WDR4: variants seen among roughly 807,000 people sequenced by gnomAD.
WDR4 encodes the protein tRNA (guanine-N(7)-)-methyltransferase non-catalytic subunit WDR4.
Under a neutral mutation model 48.6 loss-of-function variants are expected in WDR4, and 47 were observed. The ratio of observed to expected loss-of-function variants is 0.97; its 90% CI spans 0.77 to 1.23. The LOEUF is 1.23. Among genes scored for constraint, WDR4 ranks in the 50% most tolerant of loss-of-function variants. The pLI, the probability that WDR4 is intolerant of heterozygous loss-of-function variation, is 0.00. For synonymous variants in WDR4, 268 were observed against 230.0 expected (o/e 1.17, Z -1.49); for missense variants, 606 against 551.6 (o/e 1.10, Z -0.99).
chr21:42,857,933 T>C (rs8132810), intron 6 of WDR4, among the ~76,000 whole-genome samples: 28,597 of 151,702 alleles, frequency 0.19, 2,936 homozygotes, highest in Non-Finnish European at 0.21. Context: ...ACTACAAAAG[T>C]ATAAAAAATT....
In WDR4 at chr21:42,862,425, C is replaced by T; in HGVS notation, c.454-31G>A. The T allele has an allele frequency of 6.4e-7, 1 of 1,555,308 alleles. No homozygotes were observed. The highest frequency in any genetic ancestry group is 1.4e-5 in the African/African-American group (1 of 73,616). ...TCACCAGGGGCCAGAAAAGAAAAAG[C>T]CGCTCACCTGAGTCTTCCCGAATCA... On this transcript the variant is annotated intron_variant, in intron 4 of 10. Transcript: ENST00000398208. This position sits in a 1 kb window ranked among gnomAD's most constrained non-coding sequence, Gnocchi z 4.3.
chr21:42,853,633 C>T lies in WDR4; in HGVS notation c.911G>A (p.Trp304Ter). The T allele has an allele frequency of 6.2e-7, 1 of 1,607,380 alleles. No homozygotes were observed. Among genetic ancestry groups the T allele is most frequent in the Non-Finnish European group, 8.5e-7 (1 of 1,177,900 alleles). Residue 304 changes from tryptophan (W) to a stop codon, truncating the protein, a stop_gained, in exon 9 of 11, where the codon TGG (tryptophan) becomes TAG (stop). Transcript: ENST00000398208. LOFTEE classifies it high-confidence loss of function. ...GGCTTCCTGGCAGTCCTGGAGCACC[C>T]ACAGCCCCTGGGTCTCCTCGAAAGC... The part of the protein sequence containing the change: ...DVAFEETQGL[W>*]VLQDCQEAPL...
intron 2 of WDR4, among the ~76,000 whole-genome samples, chr21:42,875,271 C>T (rs1034733477): frequency 6.6e-6 from 1 of 151,960 alleles, no homozygotes; most frequent in African/African-American, 2.4e-5. Context: ...AATTAGGCAG[C>T]CCTGGCGCGG....
chr21:42,880,686 TG>T (rs2058600605), upstream of WDR4, among the ~76,000 whole-genome samples: 1 of 152,200 alleles, frequency 6.6e-6, no homozygotes, highest in Admixed American at 6.5e-5. Context: ...TCTGCCCTCT[TG>T]GGTGTCCCTC....
chr21:42,891,614 C>T, the WDR4 span, among the ~76,000 whole-genome samples: 9 of 152,022 alleles, frequency 5.9e-5, no homozygotes, highest in African/African-American at 2.2e-4. Context: ...CTCACAAAGG[C>T]GAGCATGACC....
chr21:42,858,587 TCAAA>T (rs763199315), intron 6 of WDR4, among the ~76,000 whole-genome samples: 5 of 152,120 alleles, frequency 3.3e-5, no homozygotes, highest in African/African-American at 7.2e-5. Context: ...CGTGTTCCAC[TCAAA>T]CAAAGCAGTA....
chr21:42,885,869 A>G, the WDR4 span, among the ~76,000 whole-genome samples: 1 of 151,630 alleles, frequency 6.6e-6, no homozygotes, highest in African/African-American at 2.4e-5. Flanking sequence ...TTAACTTTTA[A>G]GTTTTTTGTA....
chr21:42,879,240 G>A, intron 1 of WDR4, 167 bp downstream of exon 1: 4 of 1,335,524 alleles, frequency 3.0e-6, no homozygotes, highest in Non-Finnish European at 3.8e-6. Context: ...CAGGCGCAGA[G>A]ACGCGGCCAG....
In WDR4 at chr21:42,849,913, A is replaced by AG; in HGVS notation, c.*135dup. 1 of 1,071,550 alleles carries AG rather than the reference A, an allele frequency of 9.3e-7. No homozygotes were observed. Among genetic ancestry groups the AG allele is most frequent in the East Asian group, 2.5e-5 (1 of 39,512 alleles). 66.4% of individuals were successfully genotyped at this position (1,071,550 alleles called of 1,614,324 possible). A position where few individuals can be genotyped will look rare whatever the true frequency, so the allele number is the denominator to read the frequency against. On this transcript the variant is annotated 3_prime_UTR_variant, in exon 11 of 11. Coordinates refer to ENST00000398208, the MANE Select transcript of WDR4 (RefSeq NM_018669.6). ...ACACAGAATGTTCTTTCTAGAGCCC[A>AG]GGGGACAGCCCCATCCTCTGAGCTG... is the stretch of plus-strand genomic sequence containing the variant.
chr21:42,859,716 C>T lies in WDR4; in HGVS notation c.573G>A (p.Val191=), dbSNP rs1432681052. 7 of 1,560,460 alleles carry T rather than the reference C, an allele frequency of 4.5e-6. No individual in the cohort carries two copies. The highest frequency in any genetic ancestry group is 6.1e-6 in the Non-Finnish European group (7 of 1,152,282). Residue 191 remains valine (V), a synonymous_variant, in exon 6 of 11, where the codon GTG becomes GTA. Coordinates refer to ENST00000398208, the MANE Select transcript of WDR4 (RefSeq NM_018669.6). ...GAGTTGGCACCACGGAGATACGGCTCACAAACCTGTGAGGGCGAGAGAGAG... is the reference window on the plus strand; with the variant it reads ...GAGTTGGCACCACGGAGATACGGCTTACAAACCTGTGAGGGCGAGAGAGAG... ...ESFCLGHTEF[V]SRISVVPTQP...
rs373068242 is a variant in WDR4 at position 42,879,388 on chromosome 21, A to C, written c.89+19T>G. ...GCCCGCAGCCTGGTCTCCCTGTTCC[A>C]AGACCAAGGCCCCCTCACCTGCTTG... On this transcript the variant is annotated intron_variant, in intron 1 of 10. Transcript: ENST00000398208. The C allele has an allele frequency of 7.3e-4, 1,182 of 1,612,202 alleles. No homozygotes were observed. Among genetic ancestry groups the C allele is most frequent in the Non-Finnish European group, 9.6e-4 (1,131 of 1,179,068 alleles).
In WDR4 at chr21:42,873,694, G is replaced by A. The variant is rs2058424921; in HGVS notation, c.156-3C>T. The stretch of plus-strand genomic sequence containing the variant: ...CCTGGTCCAAGGGCGCGTCCTCCCT[G>A]AGGAAGAGAGGAGGAAGACGGTTAA... On this transcript the variant is annotated splice_polypyrimidine_tract_variant and splice_region_variant and intron_variant, in intron 2 of 10. Transcript: ENST00000398208. 2 of 1,612,562 alleles carry A rather than the reference G, an allele frequency of 1.2e-6. No homozygotes were observed. Among genetic ancestry groups the A allele is most frequent in the Non-Finnish European group, 1.7e-6 (2 of 1,179,136 alleles).
At chr21:42,888,564 A>G in the WDR4 span, among the ~76,000 whole-genome samples, 1 of 152,064 alleles carries the variant, frequency 6.6e-6, no homozygotes, top group Non-Finnish European at 1.5e-5. Flanking sequence ...TGTCTCCAAT[A>G]AATAAATAAA....
At chr21:42,856,120 G>A (rs755676205) in intron 6 of WDR4, among the ~76,000 whole-genome samples, 4 of 152,188 alleles carry the variant, frequency 2.6e-5, no homozygotes, top group East Asian at 1.9e-4. Flanking sequence ...TGCTGTGCCC[G>A]GGCCGGGCAT....
upstream of WDR4, among the ~76,000 whole-genome samples, chr21:42,881,826 C>T (rs140729153): frequency 5.2e-3 from 795 of 151,820 alleles, 7 homozygotes; most frequent in African/African-American, 0.017. Flanking sequence ...TTTTTTGAGG[C>T]GGAGTTTCAC....
chr21:42,869,016 G>A (rs1016310607), intron 3 of WDR4, among the ~76,000 whole-genome samples: 1 of 152,230 alleles, frequency 6.6e-6, no homozygotes, highest in Non-Finnish European at 1.5e-5. Context: ...TGGCGGGGGG[G>A]AACAGGCTAT....
At chr21:42,855,122 C>T (rs1173218998) in intron 7 of WDR4, among the ~76,000 whole-genome samples, 5 of 145,840 alleles carry the variant, frequency 3.4e-5, no homozygotes, top group Admixed American at 1.3e-4. Flanking sequence ...AGTGGGACTC[C>T]ATCTCAAAAA....
intron 6 of WDR4, among the ~76,000 whole-genome samples, chr21:42,858,553 C>T (rs1049406325): frequency 2.6e-5 from 4 of 152,200 alleles, no homozygotes; most frequent in Admixed American, 1.3e-4. Context: ...ACCCTCCTCG[C>T]GCCTTTTGGC....
intron 3 of WDR4, among the ~76,000 whole-genome samples, chr21:42,864,468 T>C (rs1042551830): frequency 7.2e-5 from 11 of 152,138 alleles, no homozygotes; most frequent in Admixed American, 3.9e-4. Flanking sequence ...TGCAGAGGGA[T>C]GGAGGGGCCT....
Sources: gnomAD v4.1 joint callset for allele counts (sites outside exome capture counted in the v4.1 genomes callset) on GRCh38, gnomAD v4.1.1 for gene constraint, Gnocchi (gnomAD v3.1) non-coding constraint, MANE v1.5 for transcripts, NCBI Gene and HGNC (gene_info 2026-07-23, HGNC 2026-07-21) for gene names.